AFG2A: variants seen among roughly 807,000 people sequenced by gnomAD.
AFG2A encodes ATPase family gene 2 protein homolog A.
At chr4:123,040,211 T>C in the AFG2A span, among the ~76,000 whole-genome samples, 3 of 152,160 alleles carry the variant, frequency 2.0e-5, no homozygotes, top group African/African-American at 7.2e-5. Flanking sequence ...GTCATTAATT[T>C]TTTTTGCTTA....
the AFG2A span, among the ~76,000 whole-genome samples, chr4:123,278,796 TTG>T: frequency 6.6e-6 from 1 of 152,152 alleles, no homozygotes. Flanking sequence ...TTCTATTTTA[TTG>T]TCTTTTGCCT....
At chr4:123,245,179 G>A in the AFG2A span, among the ~76,000 whole-genome samples, 5 of 152,126 alleles carry the variant, frequency 3.3e-5, no homozygotes. Flanking sequence ...TTGGTAGAAA[G>A]TAAAGGGCCT....
At chr4:123,247,251 A>G in the AFG2A span, among the ~76,000 whole-genome samples, 1 of 112,206 alleles carries the variant, frequency 8.9e-6, no homozygotes, top group Non-Finnish European at 2.2e-5. Context: ...GTGTATCACT[A>G]CTACTAATAC....
the AFG2A span, among the ~76,000 whole-genome samples, chr4:123,015,186 C>CT: frequency 0.82 from 108,917 of 132,766 alleles, 46,304 homozygotes; most frequent in East Asian, 0.95. Context: ...ATTTTTCTTT[C>CT]TTTTTTTTTT....
chr4:123,118,341 ATATTATATATAT>A, the AFG2A span, among the ~76,000 whole-genome samples: 1 of 55,052 alleles, frequency 1.8e-5, no homozygotes, highest in East Asian at 1.9e-3. Flanking sequence ...TATATATATT[ATATTATATATAT>A]TATATATATA....
chr4:123,008,129 G>A, the AFG2A span, among the ~76,000 whole-genome samples: 40 of 152,248 alleles, frequency 2.6e-4, no homozygotes, highest in African/African-American at 7.9e-4. Context: ...CAGGCTGTAC[G>A]AGAAGCATGG....
the AFG2A span, among the ~76,000 whole-genome samples, chr4:123,106,358 A>G: frequency 5.2e-3 from 788 of 152,302 alleles, 2 homozygotes; most frequent in African/African-American, 0.018. Flanking sequence ...TTATTGTGAT[A>G]TTAGCTTTAT....
At chr4:123,210,576 G>A in the AFG2A span, among the ~76,000 whole-genome samples, 79,479 of 152,004 alleles carry the variant, frequency 0.52, 25,107 homozygotes, top group Non-Finnish European at 0.68. Context: ...TTCTTTATCC[G>A]TTCATTTGTT....
At chr4:123,056,949 T>C in the AFG2A span, among the ~76,000 whole-genome samples, 1 of 152,242 alleles carries the variant, frequency 6.6e-6, no homozygotes, top group Admixed American at 6.5e-5. Context: ...ACTGAAATTT[T>C]CTGATTGCTT....
At chr4:123,111,423 A>G in the AFG2A span, among the ~76,000 whole-genome samples, 1 of 152,190 alleles carries the variant, frequency 6.6e-6, no homozygotes, top group Admixed American at 6.5e-5. Flanking sequence ...CAGAGCAATG[A>G]AGATATTGGC....
At chr4:123,034,884 T>C in the AFG2A span, among the ~76,000 whole-genome samples, 14 of 152,334 alleles carry the variant, frequency 9.2e-5, no homozygotes, top group African/African-American at 3.4e-4. Flanking sequence ...AGGCTAACTC[T>C]GAGTTCTGTA....
At chr4:122,926,274 G>A in the AFG2A span, among the ~76,000 whole-genome samples, 3 of 152,154 alleles carry the variant, frequency 2.0e-5, no homozygotes, top group Non-Finnish European at 4.4e-5. Flanking sequence ...TTGTCAAGAG[G>A]GAAAGATAGT....
the AFG2A span, among the ~76,000 whole-genome samples, chr4:123,132,022 T>C: frequency 1.3e-5 from 2 of 152,222 alleles, no homozygotes; most frequent in Admixed American, 6.5e-5. Flanking sequence ...TGAGGCGACA[T>C]GCATTGTGAT....
At chr4:123,195,669 T>G in the AFG2A span, among the ~76,000 whole-genome samples, 1 of 152,194 alleles carries the variant, frequency 6.6e-6, no homozygotes, top group African/African-American at 2.4e-5. Flanking sequence ...ACAGGTTTCT[T>G]TTGGTAGTGA....
the AFG2A span, among the ~76,000 whole-genome samples, chr4:123,107,055 G>A: frequency 2.0e-5 from 3 of 152,174 alleles, no homozygotes; most frequent in African/African-American, 4.8e-5. Flanking sequence ...GTGACTGGAC[G>A]AGGGGAACAC....
chr4:123,165,675 T>G, the AFG2A span, among the ~76,000 whole-genome samples: 2 of 152,138 alleles, frequency 1.3e-5, no homozygotes, highest in African/African-American at 4.8e-5. Flanking sequence ...CCTTTTTATA[T>G]CCATATAAAT....
At chr4:123,122,248 C>G in the AFG2A span, among the ~76,000 whole-genome samples, 1 of 152,158 alleles carries the variant, frequency 6.6e-6, no homozygotes, top group African/African-American at 2.4e-5. Context: ...TATACAGATA[C>G]TCCTCAACTT....
the AFG2A span, among the ~76,000 whole-genome samples, chr4:123,313,148 C>T: frequency 0.084 from 12,814 of 152,224 alleles, 690 homozygotes; most frequent in Middle Eastern, 0.17. Context: ...AAACACATTT[C>T]GGGATTCTTG....
the AFG2A span, among the ~76,000 whole-genome samples, chr4:123,040,919 T>C: frequency 6.6e-6 from 1 of 152,120 alleles, no homozygotes; most frequent in Non-Finnish European, 1.5e-5. Context: ...ATTGATATAC[T>C]AATTATAAAT....
Sources: allele counts gnomAD v4.1 joint callset (sites outside exome capture counted in the v4.1 genomes callset), GRCh38; gene constraint gnomAD v4.1.1; transcripts MANE v1.5; gene names NCBI Gene and HGNC (gene_info 2026-07-23, HGNC 2026-07-21).